ST18: variants seen among roughly 807,000 people sequenced by gnomAD.
ST18 encodes the protein suppression of tumorigenicity 18 protein.
ST18 carries 50 observed loss-of-function variants against 110.0 expected under a neutral mutation model. That is an observed-to-expected ratio of 0.45 (90% CI 0.36 to 0.58). ST18 has a LOEUF of 0.58. ST18 is among the 20% of genes least tolerant of loss of function. The pLI is 0.00. For synonymous variants in ST18, 461 were observed against 452.4 expected (o/e 1.02, Z -0.24); for missense variants, 1,306 against 1,280.1 (o/e 1.02, Z -0.31).
chr8:52,279,556 G>A (rs1208122676), intron 2 of ST18, among the ~76,000 whole-genome samples: 2 of 152,038 alleles, frequency 1.3e-5, no homozygotes, highest in East Asian at 1.9e-4. Flanking sequence ...ACTCTACCCA[G>A]AATAAATTTT....
intron 24 of ST18, among the ~76,000 whole-genome samples, chr8:52,117,423 C>T (rs1563479656): frequency 6.6e-6 from 1 of 152,178 alleles, no homozygotes; most frequent in Non-Finnish European, 1.5e-5. Flanking sequence ...TCATTTATGA[C>T]TTTTTTGTTT....
In ST18 at chr8:52,180,134, G is replaced by T; in HGVS notation, c.265C>A (p.His89Asn). ...TCCTCCTTGCTACCTGCGGTAGAGT[G>T]ACCATGTGTTTCCAAGGGGCCATCG... ...EDDGPLETHG[H>N]STAEEIMIKP... Residue 89 changes from histidine (H) to asparagine (N), a missense_variant, in exon 9 of 26, where the codon CAC (histidine) becomes AAC (asparagine). By Grantham distance (68) the His-to-Asn change is moderately conservative. Transcript: ENST00000689386. 3.1e-6 allele frequency: 5 copies of T among 1,614,110 alleles called. No homozygotes were observed. Among genetic ancestry groups the T allele is most frequent in the Non-Finnish European group, 4.2e-6 (5 of 1,180,014 alleles).
intron 8 of ST18, among the ~76,000 whole-genome samples, chr8:52,200,308 TGTA>T (rs1295871235): frequency 6.6e-6 from 1 of 152,220 alleles, no homozygotes; most frequent in African/African-American, 2.4e-5. Flanking sequence ...AATAAGTGCT[TGTA>T]ATTGCAAAGG....
intron 8 of ST18, among the ~76,000 whole-genome samples, chr8:52,183,555 C>T (rs562142701): frequency 3.9e-4 from 60 of 152,272 alleles, no homozygotes; most frequent in African/African-American, 1.4e-3. Context: ...GCTGTGTAAT[C>T]TGCAACAGAT....
chr8:52,229,057 A>G (rs1465232153), intron 3 of ST18, among the ~76,000 whole-genome samples: 1 of 152,210 alleles, frequency 6.6e-6, no homozygotes, highest in Non-Finnish European at 1.5e-5. Context: ...TATCATTTGG[A>G]TCAACAAAAT....
intron 2 of ST18, among the ~76,000 whole-genome samples, chr8:52,327,185 G>A (rs370273038): frequency 1.3e-5 from 2 of 152,214 alleles, no homozygotes; most frequent in Non-Finnish European, 2.9e-5. Context: ...GTACTCATAA[G>A]GATCTCCAGA....
intron 2 of ST18, among the ~76,000 whole-genome samples, chr8:52,244,985 GA>G (rs2093726556): frequency 6.6e-6 from 1 of 152,130 alleles, no homozygotes; most frequent in African/African-American, 2.4e-5. Flanking sequence ...CCCCTTTCTA[GA>G]GTAGTCATAT....
intron 2 of ST18, among the ~76,000 whole-genome samples, chr8:52,386,530 T>A (rs943717904): frequency 6.6e-6 from 1 of 152,096 alleles, no homozygotes; most frequent in African/African-American, 2.4e-5. Context: ...TTTGGTTCTT[T>A]ATAAAAAAAG....
intron 2 of ST18, among the ~76,000 whole-genome samples, chr8:52,260,260 C>T (rs1244587948): frequency 1.3e-5 from 2 of 151,420 alleles, no homozygotes; most frequent in African/African-American, 4.9e-5. Flanking sequence ...TATGCCTACA[C>T]CTATGGCTGC....
intron 23 of ST18, among the ~76,000 whole-genome samples, chr8:52,120,669 G>A (rs1241861853): frequency 1.3e-5 from 2 of 152,196 alleles, no homozygotes; most frequent in African/African-American, 4.8e-5. Context: ...TTTATTCCAA[G>A]TGCAACAGGA....
chr8:52,275,425 C>G (rs1459851596), intron 2 of ST18, among the ~76,000 whole-genome samples: 1 of 152,148 alleles, frequency 6.6e-6, no homozygotes, highest in Non-Finnish European at 1.5e-5. Context: ...AACTTTGAAG[C>G]GATTTTGTCT....
intron 8 of ST18, among the ~76,000 whole-genome samples, chr8:52,191,229 T>C (rs2074357719): frequency 6.6e-6 from 1 of 152,146 alleles, no homozygotes; most frequent in African/African-American, 2.4e-5. Context: ...CAAGGTCTAA[T>C]AGACAAATCA....
At position 52,118,380 on chromosome 8, in the gene ST18, G is replaced by A. The variant is rs1165010865; in HGVS notation, c.2817C>T (p.Ser939=). The change falls in exon 24 of 26, where the codon TCC becomes TCT. Residue 939 remains serine, a synonymous_variant. Coordinates refer to ENST00000689386, the MANE Select transcript of ST18 (RefSeq NM_001352837.2). ...LDEEIKELNE[S]NLKIEADMMK... The stretch of plus-strand genomic sequence containing the variant: ...TCATATCTGCTTCAATTTTAAGGTT[G>A]GATTCATTCAGTTCCTTTATTTCTT... The A allele has an allele frequency of 6.8e-6, 11 of 1,610,308 alleles. No individual in the cohort carries two copies. The highest frequency in any genetic ancestry group is 1.7e-5 in the Admixed American group (1 of 59,548).
At chr8:52,311,218 G>A (rs556870977) in intron 2 of ST18, among the ~76,000 whole-genome samples, 17 of 152,288 alleles carry the variant, frequency 1.1e-4, no homozygotes, top group South Asian at 1.0e-3. Context: ...ACATTCCTGC[G>A]GGGCTCAGCA....
intron 2 of ST18, among the ~76,000 whole-genome samples, chr8:52,260,100 C>T (rs549752725): frequency 2.6e-5 from 4 of 152,190 alleles, no homozygotes; most frequent in Admixed American, 6.5e-5. Context: ...GGAGAATGAA[C>T]GTGAACACTA....
chr8:52,247,605 T>C (rs1378260841), intron 2 of ST18, among the ~76,000 whole-genome samples: 2 of 152,172 alleles, frequency 1.3e-5, no homozygotes, highest in Non-Finnish European at 2.9e-5. Flanking sequence ...TTAGCAGCTA[T>C]AGAAAAATAA....
intron 2 of ST18, among the ~76,000 whole-genome samples, chr8:52,352,418 A>C (rs947837176): frequency 2.0e-5 from 3 of 152,188 alleles, no homozygotes; most frequent in Non-Finnish European, 4.4e-5. Flanking sequence ...TAGCTTAAAC[A>C]TGGTCATGGA....
chr8:52,346,496 C>T (rs534367815), intron 2 of ST18, among the ~76,000 whole-genome samples: 1 of 152,222 alleles, frequency 6.6e-6, no homozygotes, highest in East Asian at 1.9e-4. Flanking sequence ...CCACAAGGCC[C>T]CTAGTGGGCA....
At chr8:52,212,494 A>C (rs558925086) in intron 7 of ST18, among the ~76,000 whole-genome samples, 160 of 152,344 alleles carry the variant, frequency 1.1e-3, no homozygotes, top group African/African-American at 3.7e-3. Context: ...ACACACATTC[A>C]AATAAAACTG....
Sources: allele counts gnomAD v4.1 joint callset (sites outside exome capture counted in the v4.1 genomes callset), GRCh38; gene constraint gnomAD v4.1.1; transcripts MANE v1.5; gene names NCBI Gene and HGNC (gene_info 2026-07-23, HGNC 2026-07-21).